The following C1orf21 variants were observed in gnomAD, a reference collection of about 807,000 sequenced individuals.
The protein encoded by C1orf21 is uncharacterized protein C1orf21.
In C1orf21, 3 loss-of-function variants were observed where a neutral mutation model predicts 18.7. That is an observed-to-expected ratio of 0.16 (90% CI 0.07 to 0.42). The LOEUF is 0.42. C1orf21 is among the 10% of genes least tolerant of loss of function. The pLI, the probability that C1orf21 is intolerant of heterozygous loss-of-function variation, is 0.99. For missense variants in C1orf21, 104 were observed against 143.6 expected (o/e 0.72, Z 1.41); for synonymous variants, 41 against 46.4 (o/e 0.88, Z 0.47).
At chr1:184,391,487 A>C (rs185667080) in intron 1 of C1orf21, among the ~76,000 whole-genome samples, 1 of 152,278 alleles carries the variant, frequency 6.6e-6, no homozygotes, top group East Asian at 1.9e-4. Flanking sequence ...GAAGTCACTC[A>C]ATGAGTGATT....
intron 1 of C1orf21, among the ~76,000 whole-genome samples, chr1:184,462,369 G>A (rs1331272440): frequency 2.0e-5 from 3 of 152,128 alleles, no homozygotes; most frequent in African/African-American, 7.2e-5. Context: ...ATGACACTCA[G>A]GTTCTTGAAA....
intron 3 of C1orf21, among the ~76,000 whole-genome samples, chr1:184,508,636 G>A (rs1658101123): frequency 6.6e-6 from 1 of 152,072 alleles, no homozygotes; most frequent in African/African-American, 2.4e-5. Flanking sequence ...GAATATTGGA[G>A]GCTGATTCTT....
chr1:184,400,017 AT>A (rs11296231), intron 1 of C1orf21, among the ~76,000 whole-genome samples: 55,147 of 148,298 alleles, frequency 0.37, 14,982 homozygotes, highest in African/African-American at 0.78. Context: ...AACCAACAAG[AT>A]TTTTTTTTTT....
chr1:184,391,839 C>A (rs539521871), intron 1 of C1orf21, among the ~76,000 whole-genome samples: 13 of 152,172 alleles, frequency 8.5e-5, no homozygotes, highest in African/African-American at 3.1e-4. Context: ...TCCTGAGTAG[C>A]TGGGATTACA....
intron 3 of C1orf21, among the ~76,000 whole-genome samples, chr1:184,552,003 A>C (rs970924995): frequency 6.6e-6 from 1 of 152,040 alleles, no homozygotes; most frequent in African/African-American, 2.4e-5. Context: ...AAACAAAAAG[A>C]AAACAAGAGG....
intron 1 of C1orf21, among the ~76,000 whole-genome samples, chr1:184,439,171 A>G (rs1331610236): frequency 6.6e-6 from 1 of 152,058 alleles, no homozygotes; most frequent in Non-Finnish European, 1.5e-5. Flanking sequence ...AGATCACACC[A>G]CTGCACTCCA....
chr1:184,614,411 A>T (rs16823341), intron 5 of C1orf21, among the ~76,000 whole-genome samples: 3 of 152,048 alleles, frequency 2.0e-5, no homozygotes, highest in African/African-American at 7.2e-5. Context: ...TGTCTGAGGG[A>T]TGTGTGTATT....
chr1:184,437,900 C>T (rs904624885), intron 1 of C1orf21, among the ~76,000 whole-genome samples: 5 of 151,874 alleles, frequency 3.3e-5, no homozygotes, highest in African/African-American at 4.8e-5. Context: ...TCCTAAGGAG[C>T]GCACAACCTA....
intron 1 of C1orf21, among the ~76,000 whole-genome samples, chr1:184,403,210 A>G (rs989265759): frequency 6.6e-6 from 1 of 152,250 alleles, no homozygotes; most frequent in Non-Finnish European, 1.5e-5. Flanking sequence ...ATGTCTATCA[A>G]CAGTGTAGTG....
chr1:184,503,249 A>C (rs906294582), intron 2 of C1orf21, among the ~76,000 whole-genome samples: 1 of 152,068 alleles, frequency 6.6e-6, no homozygotes, highest in African/African-American at 2.4e-5. Flanking sequence ...TTGCTTAATA[A>C]TGACTATTAC....
chr1:184,533,391 C>A (rs1053144556), intron 3 of C1orf21, among the ~76,000 whole-genome samples: 3 of 152,204 alleles, frequency 2.0e-5, no homozygotes, highest in African/African-American at 7.2e-5. Flanking sequence ...ACCTAGCCTA[C>A]TGCCCTAGCA....
intron 1 of C1orf21, among the ~76,000 whole-genome samples, chr1:184,460,851 G>A (rs899123951): frequency 2.0e-5 from 3 of 151,738 alleles, no homozygotes; most frequent in African/African-American, 7.3e-5. Flanking sequence ...CAATGTGTGT[G>A]AAAGGCAAGT....
At chr1:184,399,356 A>ATTTTTTTTTTTTTTTTTTT (rs59376994) in intron 1 of C1orf21, among the ~76,000 whole-genome samples, 1 of 79,082 alleles carries the variant, frequency 1.3e-5, no homozygotes, top group African/African-American at 4.4e-5. Context: ...ATGTACTTCT[A>ATTTTTTTTTTTTTTTTTTT]TTTTTTTTTT....
At chr1:184,512,858 G>A (rs1014581988) in intron 3 of C1orf21, among the ~76,000 whole-genome samples, 1 of 152,304 alleles carries the variant, frequency 6.6e-6, no homozygotes, top group South Asian at 2.1e-4. Context: ...GGAGGTGAGC[G>A]GCAGGCGGGT....
chr1:184,509,694 C>A (rs1054520932), intron 3 of C1orf21, among the ~76,000 whole-genome samples: 3 of 152,020 alleles, frequency 2.0e-5, no homozygotes, highest in Non-Finnish European at 4.4e-5. Context: ...TTTAACAATT[C>A]TTTTTTTAAA....
At chr1:184,458,600 A>G (rs778565060) in intron 1 of C1orf21, among the ~76,000 whole-genome samples, 7 of 152,164 alleles carry the variant, frequency 4.6e-5, no homozygotes, top group Non-Finnish European at 2.9e-5. Context: ...CTCCAAAAGT[A>G]TTTCAACTTA....
intron 3 of C1orf21, among the ~76,000 whole-genome samples, chr1:184,565,713 G>A (rs1196314372): frequency 6.6e-6 from 1 of 152,240 alleles, no homozygotes; most frequent in African/African-American, 2.4e-5. Flanking sequence ...CCACAGGCAT[G>A]TAAAAGGCCC....
intron 1 of C1orf21, among the ~76,000 whole-genome samples, chr1:184,460,713 C>CTTTTTT (rs11393803): frequency 0.042 from 3,802 of 90,660 alleles, 303 homozygotes; most frequent in Non-Finnish European, 0.054. Flanking sequence ...TCTCTTCTTC[C>CTTTTTT]TTTTTTTTTT....
At chr1:184,437,458 A>G (rs954444837) in intron 1 of C1orf21, among the ~76,000 whole-genome samples, 1 of 151,980 alleles carries the variant, frequency 6.6e-6, no homozygotes, top group African/African-American at 2.4e-5. Context: ...CCTATCTTAC[A>G]TGAGAACCTG....
Sources: gnomAD v4.1 joint callset for allele counts (sites outside exome capture counted in the v4.1 genomes callset) on GRCh38, gnomAD v4.1.1 for gene constraint, MANE v1.5 for transcripts, NCBI Gene and HGNC (gene_info 2026-07-23, HGNC 2026-07-21) for gene names.